HYDIN: variants seen among roughly 807,000 people sequenced by gnomAD.
HYDIN encodes HYDIN axonemal central pair apparatus protein, also known as axonemal central pair apparatus protein HYDIN.
A neutral mutation model predicts 403.9 loss-of-function variants in HYDIN; 132 were observed. The observed-to-expected ratio is 0.33, with a 90% CI of 0.28 to 0.38. The LOEUF is 0.38. Among genes scored for constraint, HYDIN ranks in the 10% least tolerant of loss-of-function variants. The pLI is 1.00. For synonymous variants in HYDIN, 1,202 were observed against 1,891.7 expected (o/e 0.64, Z 9.46); for missense variants, 2,827 against 5,009.5 (o/e 0.56, Z 13.15).
At chr16:71,163,019 C>T (rs987148623) in intron 5 of HYDIN, among the ~76,000 whole-genome samples, 1 of 152,114 alleles carries the variant, frequency 6.6e-6, no homozygotes, top group Non-Finnish European at 1.5e-5. Context: ...GAAGGCCAGG[C>T]CCATTTCTCC....
chr16:70,807,168 A>G lies in HYDIN; in HGVS notation c.*412T>C, dbSNP rs186810540. Among the ~76,000 whole-genome samples the G allele has an allele frequency of 2.6e-5, 4 of 152,358 alleles. No homozygotes were observed. In the South Asian group the frequency reaches 6.2e-4, roughly 24 times the overall value. ...ATGCCACATCAAAATAGTCATGTCTAAGGGCTTTTTAAACCATTTTGGATT... is the reference window on the plus strand; with the variant it reads ...ATGCCACATCAAAATAGTCATGTCTGAGGGCTTTTTAAACCATTTTGGATT... On this transcript the variant is annotated 3_prime_UTR_variant, in exon 86 of 86. Transcript: ENST00000393567.
intron 58 of HYDIN, among the ~76,000 whole-genome samples, chr16:70,884,460 G>T (rs553550844): frequency 6.6e-6 from 1 of 151,978 alleles, no homozygotes; most frequent in Non-Finnish European, 1.5e-5. Context: ...GCAGAATGGC[G>T]TAGTGGGTGA....
intron 22 of HYDIN, 56 bp downstream of exon 22, chr16:71,020,118 T>C: frequency 6.3e-7 from 1 of 1,580,286 alleles, no homozygotes; most frequent in Non-Finnish European, 8.6e-7. Context: ...TCTCTTCCTT[T>C]ATCACACCCC....
intron 1 of HYDIN, among the ~76,000 whole-genome samples, chr16:71,220,818 A>G (rs558883876): frequency 6.6e-6 from 1 of 152,346 alleles, no homozygotes; most frequent in East Asian, 1.9e-4. Flanking sequence ...AAGACTACAA[A>G]GTAATACATT....
chr16:71,163,786 CA>C (rs1207249841), intron 5 of HYDIN, among the ~76,000 whole-genome samples: 1 of 152,238 alleles, frequency 6.6e-6, no homozygotes, highest in Non-Finnish European at 1.5e-5. Flanking sequence ...CCAGAAAAAC[CA>C]CCCAGCTGAA....
In HYDIN at chr16:71,020,259, G is replaced by T. The variant is rs1295972071; in HGVS notation, c.3245C>A (p.Thr1082Asn). 1 of 1,614,074 alleles carries T rather than the reference G, an allele frequency of 6.2e-7. No individual in the cohort carries two copies. The highest frequency in any genetic ancestry group is 1.7e-5 in the Admixed American group (1 of 60,018). The change falls in exon 22 of 86, where the codon ACC becomes AAC. Residue 1082 changes from threonine (T) to asparagine (N), a missense_variant. Transcript: ENST00000393567. ...TGACAGCAACAAGTTCACGGGCAGG[G>T]TGGAAATGTTCTTTATGGCCAAGGG... ...YQPLAIKNIS[T>N]LPVNLLLSTS...
chr16:70,981,452 G>T lies in HYDIN; in HGVS notation c.4449C>A (p.Ile1483=), dbSNP rs1378393498. 6.2e-7 allele frequency: 1 copy of T among 1,613,798 alleles called. No homozygotes were observed. Among genetic ancestry groups the T allele is most frequent in the South Asian group, 1.1e-5 (1 of 91,068 alleles). Residue 1483 remains isoleucine (I), a synonymous_variant, in exon 29 of 86, where the codon ATC becomes ATA. Transcript: ENST00000393567. ...GAAAGATTCCCTCTCCGCTCAGAGT[G>T]ATATTTTCTGGGTCCAGGTGGGCGA... ...IQIAHLDPEN[I]TLSGEGIFPQ...
At chr16:71,202,702 T>A (rs998520260) in intron 1 of HYDIN, among the ~76,000 whole-genome samples, 9 of 152,334 alleles carry the variant, frequency 5.9e-5, no homozygotes, top group Middle Eastern at 3.4e-3. Context: ...ATTTAGTAGA[T>A]CATTTTCTCA....
chr16:71,066,989 C>T (rs1465677022), intron 15 of HYDIN: 3 of 674,216 alleles, frequency 4.4e-6, no homozygotes, highest in Admixed American at 2.2e-5. Flanking sequence ...CCTGCTAAAA[C>T]CTTTCTGGTT....
chr16:71,229,296 A>C (rs2041178223), intron 1 of HYDIN, among the ~76,000 whole-genome samples: 1 of 152,340 alleles, frequency 6.6e-6, no homozygotes, highest in Non-Finnish European at 1.5e-5. Flanking sequence ...CCTAGAACTT[A>C]AAGGAGAATA....
Position 71,058,619 on chromosome 16 carries a change from TAA to T in HYDIN, c.2529+1883_2529+1884del, listed in dbSNP as rs200369366. Among the ~76,000 whole-genome samples, 456 of 128,326 alleles carry T rather than the reference TAA, an allele frequency of 3.6e-3. 4 individuals carry two copies. Among genetic ancestry groups the T allele is most frequent in the African/African-American group, 0.01 (349 of 34,534 alleles). 84.2% of individuals were successfully genotyped at this position (128,326 alleles called of 152,430 possible). ...AAAAAAATAAATAAATAAATAAAATTAAAAAAAAAAAAAAAAGAAATTCCTAA... is the reference window on the plus strand; with the variant it reads ...AAAAAAATAAATAAATAAATAAAATTAAAAAAAAAAAAAAGAAATTCCTAA... On this transcript the variant is annotated intron_variant, in intron 18 of 85. Coordinates refer to ENST00000393567, the MANE Select transcript of HYDIN (RefSeq NM_001270974.2).
At chr16:71,138,811 T>C (rs564690191) in intron 7 of HYDIN, among the ~76,000 whole-genome samples, 2 of 152,226 alleles carry the variant, frequency 1.3e-5, no homozygotes, top group East Asian at 1.9e-4. Flanking sequence ...CTGCTGGTTG[T>C]GGTGGCTCAT....
At chr16:71,224,841 G>A (rs948130971) in intron 1 of HYDIN, among the ~76,000 whole-genome samples, 4 of 152,224 alleles carry the variant, frequency 2.6e-5, no homozygotes, top group East Asian at 3.9e-4. Context: ...GATTACAGGC[G>A]TGAGCCACCG....
chr16:71,113,267 AC>A (rs2083898210), intron 10 of HYDIN: 1 of 147,794 alleles, frequency 6.8e-6, no homozygotes, highest in Non-Finnish European at 1.5e-5. Flanking sequence ...AAGGGAAACC[AC>A]CATCACAAGA....
At chr16:70,917,255 T>G (rs1484064816) in intron 47 of HYDIN, among the ~76,000 whole-genome samples, 1 of 152,202 alleles carries the variant, frequency 6.6e-6, no homozygotes, top group East Asian at 1.9e-4. Flanking sequence ...TGATGGAAAG[T>G]TTTTCTTCTT....
rs186665432 is a variant in HYDIN at position 71,031,172 on chromosome 16, C to G, written c.2768+507G>C. 3.5e-4 allele frequency among the ~76,000 whole-genome samples: 50 copies of G among 144,134 alleles called. No individual in the cohort carries two copies. In the East Asian group the frequency reaches 1.0e-2, roughly 29 times the overall value. 94.6% of individuals were successfully genotyped at this position (144,134 alleles called of 152,430 possible). A position where few individuals can be genotyped will look rare whatever the true frequency, so the allele number is the denominator to read the frequency against. ...CAGAGATCGCGCCACTGCACTCCAGCCTAGGCCACAGAGCAAGACTCCATC... is the reference window on the plus strand; with the variant it reads ...CAGAGATCGCGCCACTGCACTCCAGGCTAGGCCACAGAGCAAGACTCCATC... On this transcript the variant is annotated intron_variant, in intron 19 of 85. Transcript: ENST00000393567.
At chr16:71,092,395 T>G (rs113694627) in intron 11 of HYDIN, among the ~76,000 whole-genome samples, 4,429 of 152,160 alleles carry the variant, frequency 0.029, 110 homozygotes, top group African/African-American at 0.1. Flanking sequence ...TTGGACTTTA[T>G]GTAAGGTGTA....
At position 70,998,939 on chromosome 16, in the gene HYDIN, G is replaced by A. The variant is rs1237733772; in HGVS notation, c.3645-6729C>T. 8.5e-5 allele frequency among the ~76,000 whole-genome samples: 13 copies of A among 152,208 alleles called. No homozygotes were observed. The South Asian group carries it at 2.3e-3, about 27-fold the overall frequency. On this transcript the variant is annotated intron_variant, in intron 23 of 85. Transcript: ENST00000393567. ...GTCTAGCTATGCCACGTGAGAAGGG[G>A]AAGCCAACTAAAGACATGTCTCTAT...
At position 70,805,018 on chromosome 16, in the gene HYDIN, T is replaced by C. The variant is rs2035048778; in HGVS notation, c.*2562A>G. Reference sequence around the variant, plus strand: ...CTTTAGTCTTAGGGATCACTTGGTGTACCACATTGACCATTATTGAAAAAG... The same window carrying C: ...CTTTAGTCTTAGGGATCACTTGGTGCACCACATTGACCATTATTGAAAAAG... On this transcript the variant is annotated 3_prime_UTR_variant, in exon 86 of 86. Coordinates refer to ENST00000393567, the MANE Select transcript of HYDIN (RefSeq NM_001270974.2). 6.6e-6 allele frequency among the ~76,000 whole-genome samples: 1 copy of C among 152,228 alleles called. No individual in the cohort carries two copies. Among genetic ancestry groups the C allele is most frequent in the South Asian group, 2.1e-4 (1 of 4,832 alleles).
Sources: gnomAD v4.1 joint callset for allele counts (sites outside exome capture counted in the v4.1 genomes callset) on GRCh38, gnomAD v4.1.1 for gene constraint, MANE v1.5 for transcripts, NCBI Gene and HGNC (gene_info 2026-07-23, HGNC 2026-07-21) for gene names.